CASC3: variants seen among roughly 807,000 people sequenced by gnomAD.
The protein encoded by CASC3 is protein CASC3.
Under a neutral mutation model 80.5 loss-of-function variants are expected in CASC3, and 30 were observed. The observed-to-expected ratio is 0.37, with a 90% confidence interval of 0.28 to 0.51. The LOEUF (loss-of-function observed/expected upper bound fraction) is 0.51, where lower values mean the gene tolerates loss of function less well. Among genes scored for constraint, CASC3 ranks in the 20% least tolerant of loss-of-function variants. The pLI is 0.94. For synonymous variants in CASC3, 312 were observed against 333.6 expected, an observed-to-expected ratio of 0.94 and a Z score of 0.70; for missense variants, 824 against 922.2, an observed-to-expected ratio of 0.89 and a Z score of 1.38.
chr17:40,162,472 C>G (rs1989326058), intron 5 of CASC3, among the ~76,000 whole-genome samples: 1 of 152,080 alleles, frequency 6.6e-6, no homozygotes, highest in South Asian at 2.1e-4. Flanking sequence ...GGAGATGTTT[C>G]AAAGGTACTG....
chr17:40,161,710 G>A lies in CASC3; in HGVS notation c.298-43G>A, dbSNP rs372896375. 7.5e-5 allele frequency: 119 copies of A among 1,584,760 alleles called. No homozygotes were observed. The African/African-American group carries it at 9.7e-4, about 13-fold the overall frequency. ...GCAGGGGTGGGAATTAAAATGCACC[G>A]TTCAGATCTTATATGCATCGCTGAC... On this transcript the variant is annotated intron_variant, in intron 3 of 13. Transcript: ENST00000264645.
intron 3 of CASC3, among the ~76,000 whole-genome samples, chr17:40,146,423 G>C (rs1384053962): frequency 6.6e-6 from 1 of 150,476 alleles, no homozygotes; most frequent in Non-Finnish European, 1.5e-5. Context: ...ATCTCGAGAA[G>C]TACGATTTCT....
chr17:40,166,663 T>G (rs1989456253), intron 7 of CASC3, 134 bp from the exon 8 acceptor site: 1 of 564,770 alleles, frequency 1.8e-6, no homozygotes, highest in East Asian at 3.4e-5. Context: ...CAGAGATAGT[T>G]TATAGAGAAT....
At chr17:40,144,294 C>T (rs1380533693) in intron 3 of CASC3, among the ~76,000 whole-genome samples, 2 of 151,504 alleles carry the variant, frequency 1.3e-5, no homozygotes, top group South Asian at 2.1e-4. Context: ...TCATGTACTA[C>T]ATAAATATAT....
chr17:40,157,401 C>T (rs1025052388), intron 3 of CASC3, among the ~76,000 whole-genome samples: 8 of 151,612 alleles, frequency 5.3e-5, no homozygotes, highest in Non-Finnish European at 1.0e-4. Context: ...AGGGGCTGGG[C>T]GTGGTGCCTC....
At chr17:40,166,755 G>A (rs758494101) in intron 7 of CASC3, 42 bp from the exon 8 acceptor site, 17 of 1,402,510 alleles carry the variant, frequency 1.2e-5, no homozygotes, top group African/African-American at 1.5e-5. Context: ...TCCCACTCAC[G>A]TATGTCTGAT....
chr17:40,162,671 T>G (rs992590243), intron 5 of CASC3, 54 bp from the exon 6 acceptor site: 1 of 1,577,168 alleles, frequency 6.3e-7, no homozygotes, highest in African/African-American at 1.4e-5. Flanking sequence ...TTCAAGAACA[T>G]CTCTACTTGG....
rs957283268 is a variant in CASC3 at position 40,169,522 on chromosome 17, A to AT, written c.2089-72dup. 1.8e-4 allele frequency: 290 copies of AT among 1,573,154 alleles called. 3 individuals carry two copies. The highest frequency in any genetic ancestry group is 1.5e-3 in the South Asian group (131 of 85,194). On this transcript the variant is annotated intron_variant, in intron 12 of 13. Coordinates refer to ENST00000264645, the MANE Select transcript of CASC3 (RefSeq NM_007359.5). ...TCCTTCTCCCCAGAGGATTTCCCTC[A>AT]TTTTCTGGGTGTGTTTCTCTGGAAA...
At position 40,170,733 on chromosome 17, in the gene CASC3, A is replaced by G. The variant is rs910925633; in HGVS notation, c.*328A>G. 1 of 985,430 alleles carries G rather than the reference A, an allele frequency of 1.0e-6. No homozygotes were observed. The highest frequency in any genetic ancestry group is 1.2e-6 in the Non-Finnish European group (1 of 829,934). The allele number at this position is 985,430 out of a possible 1,614,324, so 61.0% of individuals were successfully genotyped here. A position where few individuals can be genotyped will look rare whatever the true frequency, so the allele number is the denominator to read the frequency against. The stretch of plus-strand genomic sequence containing the variant: ...TCTTCTGCTGTTCTTCACTTCTGGG[A>G]AATTGAAGTGTCTTCTGTTCCCAAG... On this transcript the variant is annotated 3_prime_UTR_variant, in exon 14 of 14. Coordinates refer to ENST00000264645, the MANE Select transcript of CASC3 (RefSeq NM_007359.5).
chr17:40,157,367 A>T (rs144487892), intron 3 of CASC3, among the ~76,000 whole-genome samples: 7,353 of 147,718 alleles, frequency 0.05, 209 homozygotes, highest in African/African-American at 0.076. Flanking sequence ...ATAAATAAAT[A>T]AATTAATTAA....
At chr17:40,164,303 GC>G in intron 7 of CASC3, 137 bp downstream of exon 7, 2 of 820,854 alleles carry the variant, frequency 2.4e-6, no homozygotes, top group African/African-American at 1.7e-5. Flanking sequence ...TCACTCTTTT[GC>G]CCAGGCTGGA....
intron 3 of CASC3, among the ~76,000 whole-genome samples, chr17:40,159,548 T>TG: frequency 7.0e-6 from 1 of 143,794 alleles, no homozygotes; most frequent in East Asian, 2.0e-4. Flanking sequence ...TTGTGTGTTT[T>TG]TTTTTTTTTT....
chr17:40,168,525 A>G, intron 11 of CASC3, 108 bp downstream of exon 11: 1 of 991,488 alleles, frequency 1.0e-6, no homozygotes, highest in East Asian at 2.6e-5. Flanking sequence ...TTTCAGTGCC[A>G]CTGATTTGTA....
Position 40,164,150 on chromosome 17 carries a change from A to G in CASC3, c.1455A>G (p.Gln485=). The G allele has an allele frequency of 6.2e-7, 1 of 1,605,778 alleles. No individual in the cohort carries two copies. The highest frequency in any genetic ancestry group is 1.1e-5 in the South Asian group (1 of 90,682). Residue 485 remains glutamine (Q), a synonymous_variant, in exon 7 of 14, where the codon CAA becomes CAG. Transcript: ENST00000264645. ...GTCCGGGGCAGCCTTCTTTCCTGCA[A>G]CCACGGGAACTTCGAGGTAGGTATC... ...NWSPGQPSFL[Q]PRELRGMPNH...
Position 40,167,891 on chromosome 17 carries a change from G to A in CASC3, c.1693G>A (p.Ala565Thr). The change falls in exon 10 of 14, where the codon GCC becomes ACC. Residue 565 changes from alanine to threonine, a missense_variant. Coordinates refer to ENST00000264645, the MANE Select transcript of CASC3 (RefSeq NM_007359.5). Reference protein sequence around the residue: ...GPIYTHGDSPAPLPPQGMLVQ... With the variant: ...GPIYTHGDSPTPLPPQGMLVQ... ...AATCTATACCCATGGTGACAGCCCT[G>A]CCCCGCTGCCTCCACAGGGCATGCT... 1 of 1,614,170 alleles carries A rather than the reference G, an allele frequency of 6.2e-7. No homozygotes were observed. Among genetic ancestry groups the A allele is most frequent in the Non-Finnish European group, 8.5e-7 (1 of 1,180,032 alleles).
intron 3 of CASC3, among the ~76,000 whole-genome samples, chr17:40,144,622 G>A (rs1309709327): frequency 2.7e-5 from 4 of 150,310 alleles, no homozygotes; most frequent in Non-Finnish European, 5.9e-5. Flanking sequence ...CGGGATTACA[G>A]GTGGATTACG....
In CASC3 at chr17:40,163,715, T is replaced by C. The variant is rs771349388; in HGVS notation, c.1020T>C (p.Gly340=). 3 of 1,614,126 alleles carry C rather than the reference T, an allele frequency of 1.9e-6. No individual in the cohort carries two copies. Among genetic ancestry groups the C allele is most frequent in the Non-Finnish European group, 2.5e-6 (3 of 1,180,010 alleles). ...EAGGQHGGRS[G]ETVKHEISYR... ...GTGGGCAGCATGGTGGCCGGTCTGG[T>C]GAGACTGTTAAGCATGAGATTAGTT... Residue 340 remains glycine, a synonymous_variant, in exon 7 of 14, where the codon GGT becomes GGC. Coordinates refer to ENST00000264645, the MANE Select transcript of CASC3 (RefSeq NM_007359.5).
chr17:40,168,544 C>T (rs1364281247), intron 11 of CASC3, 127 bp downstream of exon 11: 6 of 790,452 alleles, frequency 7.6e-6, no homozygotes, highest in East Asian at 2.7e-5. Flanking sequence ...TATGTGACAC[C>T]AAGACGCCTC....
chr17:40,167,489 T>A lies in CASC3; in HGVS notation c.1537-9T>A. ...ATTCTTATTGTTTAGGCCTCTTTCT[T>A]TGTCTCAGGGTGTCCAGGGTGGTCG... On this transcript the variant is annotated splice_polypyrimidine_tract_variant and intron_variant, in intron 8 of 13. Transcript: ENST00000264645. The A allele has an allele frequency of 1.2e-6, 2 of 1,609,050 alleles. No individual in the cohort carries two copies. The highest frequency in any genetic ancestry group is 2.2e-5 in the South Asian group (2 of 90,830).
Sources: gnomAD v4.1 joint callset for allele counts (sites outside exome capture counted in the v4.1 genomes callset) on GRCh38, gnomAD v4.1.1 for gene constraint, MANE v1.5 for transcripts, NCBI Gene and HGNC (gene_info 2026-07-23, HGNC 2026-07-21) for gene names.